Variants in CORIN observed in about 807,000 individuals in gnomAD.
CORIN encodes atrial natriuretic peptide-converting enzyme.
CORIN carries 117 observed loss-of-function variants against 125.3 expected under a neutral mutation model. The observed-to-expected ratio is 0.93, with a 90% CI of 0.80 to 1.09. The LOEUF (loss-of-function observed/expected upper bound fraction) is 1.09, where lower values mean the gene tolerates loss of function less well. CORIN is among the 50% of genes least tolerant of loss of function. CORIN has a pLI of 0.00. For synonymous variants in CORIN, 450 were observed against 466.4 expected (o/e 0.96, Z 0.45); for missense variants, 1,253 against 1,306.7 (o/e 0.96, Z 0.63).
chr4:47,634,995 T>G (rs1445304606), intron 16 of CORIN, among the ~76,000 whole-genome samples: 1 of 152,220 alleles, frequency 6.6e-6, no homozygotes, highest in Non-Finnish European at 1.5e-5. Flanking sequence ...TTCTACATGT[T>G]CTTCAGTTTG....
At chr4:47,736,231 T>C (rs1728127406) in intron 5 of CORIN, among the ~76,000 whole-genome samples, 1 of 152,188 alleles carries the variant, frequency 6.6e-6, no homozygotes. Context: ...TTTAGCTATA[T>C]ACTATCTTTT....
chr4:47,715,222 C>A (rs547923403), intron 5 of CORIN, among the ~76,000 whole-genome samples: 32 of 152,324 alleles, frequency 2.1e-4, no homozygotes, highest in Admixed American at 1.5e-3. Flanking sequence ...TTACTGATTA[C>A]AACTGAAAAC....
chr4:47,682,632 G>A (rs1725342452), intron 7 of CORIN: 5 of 152,012 alleles, frequency 3.3e-5, no homozygotes, highest in Admixed American at 3.3e-4. Context: ...ACAAAGAAAT[G>A]ATAAATGTTT....
chr4:47,822,961 G>A (rs374036770), intron 1 of CORIN, among the ~76,000 whole-genome samples: 34 of 152,094 alleles, frequency 2.2e-4, no homozygotes, highest in East Asian at 9.7e-4. Context: ...GACTACAGGC[G>A]CGTGCCAACA....
chr4:47,707,180 T>C (rs1045685371), intron 5 of CORIN, among the ~76,000 whole-genome samples: 1 of 152,208 alleles, frequency 6.6e-6, no homozygotes, highest in Admixed American at 6.5e-5. Flanking sequence ...AAGATAAACT[T>C]TTTTATCTTT....
chr4:47,823,888 A>G (rs1732627849), intron 1 of CORIN, among the ~76,000 whole-genome samples: 1 of 152,000 alleles, frequency 6.6e-6, no homozygotes, highest in South Asian at 2.1e-4. Context: ...CCTGAACCCC[A>G]TCTTAGGTTG....
chr4:47,797,473 A>G (rs73135996), intron 2 of CORIN, among the ~76,000 whole-genome samples: 1,521 of 151,864 alleles, frequency 0.01, 23 homozygotes, highest in African/African-American at 0.033. Context: ...TACAAATCCA[A>G]CTGTTGGTCA....
At chr4:47,751,360 A>G (rs1041563874) in intron 4 of CORIN, among the ~76,000 whole-genome samples, 1 of 152,188 alleles carries the variant, frequency 6.6e-6, no homozygotes. Flanking sequence ...CCAAGTCCAA[A>G]AGCCTTTGCC....
intron 4 of CORIN, among the ~76,000 whole-genome samples, chr4:47,749,001 G>T (rs1008426683): frequency 5.3e-5 from 8 of 152,006 alleles, no homozygotes; most frequent in Admixed American, 2.6e-4. Flanking sequence ...TTTGAATTTT[G>T]CCAGGATCTC....
intron 19 of CORIN, among the ~76,000 whole-genome samples, chr4:47,620,654 C>A (rs922651087): frequency 1.3e-5 from 2 of 152,154 alleles, no homozygotes; most frequent in Non-Finnish European, 1.5e-5. Context: ...TGCCATAATG[C>A]TAAGGGAAAA....
chr4:47,809,155 G>A lies in CORIN; in HGVS notation c.64-2108C>T, dbSNP rs116662977. Reference sequence around the variant, plus strand: ...TGCAAAGTATTTAACTTCTACAACAGTGAAGAAGCTTCCTTGCTAAGGTGA... The same window carrying A: ...TGCAAAGTATTTAACTTCTACAACAATGAAGAAGCTTCCTTGCTAAGGTGA... On this transcript the variant is annotated intron_variant, in intron 1 of 21. Coordinates refer to ENST00000273857, the MANE Select transcript of CORIN (RefSeq NM_006587.4). 9.9e-3 allele frequency among the ~76,000 whole-genome samples: 1,506 copies of A among 152,288 alleles called. 29 individuals are homozygous for A. Among genetic ancestry groups the A allele is most frequent in the African/African-American group, 0.034 (1,415 of 41,564 alleles).
At chr4:47,788,438 T>C (rs74458006) in intron 2 of CORIN, among the ~76,000 whole-genome samples, 8 of 152,168 alleles carry the variant, frequency 5.3e-5, no homozygotes, top group African/African-American at 1.9e-4. Flanking sequence ...ATCATGATCA[T>C]GTAATGCGGG....
chr4:47,602,814 C>T (rs1196899262), intron 20 of CORIN, among the ~76,000 whole-genome samples: 1 of 152,068 alleles, frequency 6.6e-6, no homozygotes, highest in Non-Finnish European at 1.5e-5. Context: ...TAAGTATTTA[C>T]CATTTGTGGC....
chr4:47,740,754 TAG>T (rs1263302718), intron 5 of CORIN, among the ~76,000 whole-genome samples: 1 of 151,890 alleles, frequency 6.6e-6, no homozygotes, highest in Non-Finnish European at 1.5e-5. Flanking sequence ...TCAAGAAAGA[TAG>T]ATAGATCAAT....
At chr4:47,799,093 T>C (rs562333523) in intron 2 of CORIN, among the ~76,000 whole-genome samples, 34 of 150,848 alleles carry the variant, frequency 2.3e-4, no homozygotes, top group African/African-American at 7.8e-4. Context: ...TATGGCTGCA[T>C]AGTATCCCAT....
chr4:47,648,073 G>A (rs1004149022), intron 13 of CORIN, among the ~76,000 whole-genome samples: 3 of 152,176 alleles, frequency 2.0e-5, no homozygotes, highest in Non-Finnish European at 4.4e-5. Context: ...TAAAAAGAGA[G>A]AGATATTAGT....
At chr4:47,692,081 G>C (rs544873927) in intron 6 of CORIN, among the ~76,000 whole-genome samples, 64 of 149,448 alleles carry the variant, frequency 4.3e-4, no homozygotes, top group African/African-American at 1.5e-3. Flanking sequence ...TTGGCAAACA[G>C]ACCAGAAGAA....
intron 4 of CORIN, among the ~76,000 whole-genome samples, chr4:47,755,453 A>G (rs1459226269): frequency 6.6e-6 from 1 of 152,108 alleles, no homozygotes. Context: ...TACATATTTT[A>G]TTGTTGTTTT....
At chr4:47,818,270 TAAG>T (rs1732359798) in intron 1 of CORIN, among the ~76,000 whole-genome samples, 1 of 152,052 alleles carries the variant, frequency 6.6e-6, no homozygotes, top group African/African-American at 2.4e-5. Context: ...GCTGAGCAGA[TAAG>T]AAGGAAAAAG....
Sources: gnomAD v4.1 joint callset for allele counts (sites outside exome capture counted in the v4.1 genomes callset) on GRCh38, gnomAD v4.1.1 for gene constraint, MANE v1.5 for transcripts, NCBI Gene and HGNC (gene_info 2026-07-23, HGNC 2026-07-21) for gene names.